The following CFAP20DC variants were observed in gnomAD, a reference collection of about 807,000 sequenced individuals.
The protein encoded by CFAP20DC is CFAP20 domain containing.
In CFAP20DC, 84 loss-of-function variants were observed where a neutral mutation model predicts 101.7. The ratio of observed to expected loss-of-function variants is 0.83; its 90% CI spans 0.69 to 0.99. CFAP20DC has a LOEUF of 0.99. Ranked by LOEUF, CFAP20DC falls within the 50% of genes least tolerant of loss-of-function variation. The probability of loss-of-function intolerance (pLI) is 0.00; values close to 1 mark genes in which losing one functional copy is unlikely to be tolerated. For synonymous variants in CFAP20DC, 359 were observed against 351.2 expected (o/e 1.02, Z -0.25); for missense variants, 1,007 against 970.3 (o/e 1.04, Z -0.50).
chr3:58,970,126 C>T (rs1157168708), intron 4 of CFAP20DC, among the ~76,000 whole-genome samples: 1 of 152,056 alleles, frequency 6.6e-6, no homozygotes, highest in Non-Finnish European at 1.5e-5. Context: ...ATGAGAACTA[C>T]TATTTTTATT....
chr3:58,724,825 G>A lies in CFAP20DC; in HGVS notation c.198-7197C>T, dbSNP rs1559524519. ...GTACCCTACGGGTGGGTGGTGTTGAGGCTGGTCCCCAACACAGCAGCAGTT... is the reference window on the plus strand; with the variant it reads ...GTACCCTACGGGTGGGTGGTGTTGAAGCTGGTCCCCAACACAGCAGCAGTT... On this transcript the variant is annotated intron_variant, in intron 3 of 3. Transcript: ENST00000486145. The surrounding 1 kb of genome is among the most constrained non-coding windows in gnomAD (Gnocchi z 5.6). Among the ~76,000 whole-genome samples, 1 of 152,046 alleles carries A rather than the reference G, an allele frequency of 6.6e-6. No individual in the cohort carries two copies. The highest frequency in any genetic ancestry group is 2.4e-5 in the African/African-American group (1 of 41,388).
At chr3:58,981,840 A>C (rs1408211882) in intron 4 of CFAP20DC, among the ~76,000 whole-genome samples, 1 of 152,208 alleles carries the variant, frequency 6.6e-6, no homozygotes, top group African/African-American at 2.4e-5. Flanking sequence ...TGGCAACAAA[A>C]GCCAAAATTG....
At chr3:59,038,392 C>T (rs1284070103) in intron 4 of CFAP20DC, among the ~76,000 whole-genome samples, 3 of 152,078 alleles carry the variant, frequency 2.0e-5, no homozygotes, top group Admixed American at 2.0e-4. Flanking sequence ...AATTGTGTAA[C>T]ATCCAAAAGA....
intron 4 of CFAP20DC, chr3:58,992,494 GA>G (rs548418062): frequency 1.9e-5 from 17 of 880,538 alleles, no homozygotes; most frequent in African/African-American, 3.6e-5. Context: ...TAAAATGAAA[GA>G]AAAAAACCTC....
chr3:59,017,465 T>C (rs1241917937), intron 4 of CFAP20DC: 1 of 152,172 alleles, frequency 6.6e-6, no homozygotes, highest in African/African-American at 2.4e-5. Flanking sequence ...ACTTTACTGC[T>C]AAAAATTAAC....
intron 5 of CFAP20DC, among the ~76,000 whole-genome samples, chr3:58,932,944 G>A (rs191365666): frequency 1.3e-5 from 2 of 152,236 alleles, no homozygotes; most frequent in African/African-American, 4.8e-5. Context: ...AAATGTAAAT[G>A]GACTAAATGC....
At position 58,777,644 on chromosome 3, in the gene CFAP20DC, T is replaced by TA. The variant is rs537903778; in HGVS notation, c.2238-23782dup. Among the ~76,000 whole-genome samples the TA allele has an allele frequency of 3.9e-3, 597 of 152,344 alleles. 5 individuals are homozygous for TA. The highest frequency in any genetic ancestry group is 0.013 in the African/African-American group (559 of 41,570). ...TTCTCAGGAGGTCCTTTAGAATCTCTACATTTCTACAGGACAGACTTAAAT... is the reference window on the plus strand; with the variant it reads ...TTCTCAGGAGGTCCTTTAGAATCTCTAACATTTCTACAGGACAGACTTAAAT... On this transcript the variant is annotated intron_variant, in intron 15 of 16. Transcript: ENST00000482387.
intron 4 of CFAP20DC, among the ~76,000 whole-genome samples, chr3:59,034,652 A>G (rs1367701571): frequency 6.6e-6 from 1 of 152,240 alleles, no homozygotes; most frequent in Non-Finnish European, 1.5e-5. Flanking sequence ...TAACTACCCC[A>G]AATATATATA....
At chr3:58,805,719 G>C (rs1388592103) in intron 15 of CFAP20DC, among the ~76,000 whole-genome samples, 1 of 152,066 alleles carries the variant, frequency 6.6e-6, no homozygotes, top group East Asian at 1.9e-4. Context: ...GGATAAACTA[G>C]CTTATATACT....
intron 5 of CFAP20DC, among the ~76,000 whole-genome samples, chr3:58,921,590 C>T (rs1055851006): frequency 3.3e-5 from 5 of 152,118 alleles, no homozygotes; most frequent in Admixed American, 6.5e-5. Context: ...TCCCTTATAG[C>T]ACAGGGCATC....
chr3:58,757,703 G>C (rs2069096189), intron 15 of CFAP20DC, among the ~76,000 whole-genome samples: 1 of 151,754 alleles, frequency 6.6e-6, no homozygotes, highest in East Asian at 1.9e-4. Context: ...AGTTTATTCT[G>C]GTATATGGTG....
intron 4 of CFAP20DC, chr3:58,953,744 C>T (rs1273191845): frequency 6.6e-6 from 1 of 152,138 alleles, no homozygotes; most frequent in African/African-American, 2.4e-5. Flanking sequence ...AATTTAGTTG[C>T]TGCAAGGAGG....
chr3:58,751,867 A>ACACACACAC (rs1553645550), intron 16 of CFAP20DC, among the ~76,000 whole-genome samples: 1 of 136,154 alleles, frequency 7.3e-6, no homozygotes, highest in African/African-American at 2.6e-5. Context: ...ACACACACAC[A>ACACACACAC]AAATTTCCTC....
intron 14 of CFAP20DC, among the ~76,000 whole-genome samples, chr3:58,820,056 A>T (rs1434609828): frequency 6.6e-6 from 1 of 150,986 alleles, no homozygotes; most frequent in East Asian, 2.0e-4. Flanking sequence ...TGATTATCTC[A>T]ATAGATGCAG....
chr3:58,731,534 G>A (rs1332088520), intron 3 of CFAP20DC, among the ~76,000 whole-genome samples: 2 of 152,192 alleles, frequency 1.3e-5, no homozygotes, highest in African/African-American at 4.8e-5. Flanking sequence ...AGAGTGAAAG[G>A]ATGCCATGTG....
In CFAP20DC at chr3:58,753,811, C is replaced by T. The variant is rs2068734621; in HGVS notation, c.2290G>A (p.Ala764Thr). The T allele has an allele frequency of 1.9e-6, 3 of 1,612,754 alleles. No homozygotes were observed. Among genetic ancestry groups the T allele is most frequent in the Non-Finnish European group, 2.5e-6 (3 of 1,179,374 alleles). Residue 764 changes from alanine to threonine, a missense_variant, in exon 16 of 17, where the codon GCT (alanine) becomes ACT (threonine). By Grantham distance (58) the Ala-to-Thr change is moderately conservative (BLOSUM62 0). Transcript: ENST00000482387. Reference protein sequence around the residue: ...PPIVPPSQQPAEQRPDSCESL... With the variant: ...PPIVPPSQQPTEQRPDSCESL... ...TCACAGGAATCTGGACGCTGCTCAG[C>T]CGGCTGTTGACTGGGAGGAACGATT...
At chr3:58,915,141 G>A (rs906703499) in intron 5 of CFAP20DC, among the ~76,000 whole-genome samples, 10 of 152,122 alleles carry the variant, frequency 6.6e-5, no homozygotes, top group African/African-American at 2.4e-4. Context: ...ATATTTTGAG[G>A]TGGGAGATGG....
intron 13 of CFAP20DC, among the ~76,000 whole-genome samples, chr3:58,834,871 C>T (rs1291465736): frequency 1.3e-5 from 2 of 151,978 alleles, no homozygotes; most frequent in African/African-American, 2.4e-5. Context: ...TATGCACAAA[C>T]ATTTTAAAAT....
chr3:58,752,620 C>A (rs934361982), intron 16 of CFAP20DC, among the ~76,000 whole-genome samples: 25 of 152,254 alleles, frequency 1.6e-4, no homozygotes, highest in African/African-American at 5.1e-4. Context: ...CTCCTCCTGA[C>A]AGCCAAGATT....
Sources: gnomAD v4.1 joint callset for allele counts (sites outside exome capture counted in the v4.1 genomes callset) on GRCh38, gnomAD v4.1.1 for gene constraint, Gnocchi (gnomAD v3.1) non-coding constraint, MANE v1.5 for transcripts, NCBI Gene and HGNC (gene_info 2026-07-23, HGNC 2026-07-21) for gene names.